RBM19: variants seen among roughly 807,000 people sequenced by gnomAD.
RBM19 encodes RNA binding motif protein 19.
RBM19 carries 94 observed loss-of-function variants against 116.8 expected under a neutral mutation model. The ratio of observed to expected loss-of-function variants is 0.80; its 90% CI spans 0.68 to 0.95. RBM19 has a LOEUF of 0.95. Ranked by LOEUF, RBM19 falls within the 40% of genes least tolerant of loss-of-function variation. The pLI is 0.00. For synonymous variants in RBM19, 475 were observed against 494.1 expected (o/e 0.96, Z 0.51); for missense variants, 1,161 against 1,220.7 (o/e 0.95, Z 0.73).
rs1392631072 is a variant in RBM19 at position 113,940,173 on chromosome 12, A to T, written c.1738-13T>A. On this transcript the variant is annotated splice_polypyrimidine_tract_variant and intron_variant, in intron 14 of 23. Transcript: ENST00000261741. The stretch of plus-strand genomic sequence containing the variant: ...GCTCTGCTGCAGCCTGCAAAGAGGA[A>T]ATGCACACACATGGGACCACAGGAG... 23 of 1,609,658 alleles carry T rather than the reference A, an allele frequency of 1.4e-5. No individual in the cohort carries two copies. Among genetic ancestry groups the T allele is most frequent in the Non-Finnish European group, 2.0e-5 (23 of 1,177,146 alleles).
intron 23 of RBM19, among the ~76,000 whole-genome samples, chr12:113,841,116 T>C (rs1028724870): frequency 1.3e-5 from 2 of 152,194 alleles, no homozygotes; most frequent in African/African-American, 2.4e-5. Flanking sequence ...TGGAAACACA[T>C]GGCTCTGACA....
At position 113,834,000 on chromosome 12, in the gene RBM19, C is replaced by T. The variant is rs563593322; in HGVS notation, c.2785+10668G>A. Among the ~76,000 whole-genome samples, 12 of 152,288 alleles carry T rather than the reference C, an allele frequency of 7.9e-5. No homozygotes were observed. The East Asian group carries it at 9.7e-4, about 12-fold the overall frequency. On this transcript the variant is annotated intron_variant, in intron 23 of 23. Transcript: ENST00000261741. Reference sequence around the variant, plus strand: ...GGCTCAAGTGATCCTCCTGCCTCGGCGTCTCAAAGCACTGGGATTACAGGT... The same window carrying T: ...GGCTCAAGTGATCCTCCTGCCTCGGTGTCTCAAAGCACTGGGATTACAGGT...
At position 113,915,016 on chromosome 12, in the gene RBM19, C is replaced by T. The variant is rs769697287; in HGVS notation, c.2511G>A (p.Arg837=). The T allele has an allele frequency of 2.9e-5, 47 of 1,614,076 alleles. No individual in the cohort carries two copies. In the South Asian group the frequency reaches 3.5e-4, roughly 12 times the overall value. ...RKQTTSKILV[R]NIPFQAHSRE... ...GGCTGTGGGCCTGGAAGGGGATGTT[C>T]CGCACCAGGATCTTGGAGGTGGTCT... The change falls in exon 21 of 24, where the codon CGG becomes CGA. Residue 837 remains arginine (R), a synonymous_variant. Coordinates refer to ENST00000261741, the MANE Select transcript of RBM19 (RefSeq NM_016196.4).
In RBM19 at chr12:113,962,383, G is replaced by A; in HGVS notation, c.68C>T (p.Ala23Val). Residue 23 changes from alanine (A) to valine (V), a missense_variant, in exon 2 of 24, where the codon GCC becomes GTC. Transcript: ENST00000261741. ...GCAGTCTGTCAGCGTGCCGAAGGCGGCAAACAGCTGCCTGAAACGCTCCTC... is the reference window on the plus strand; with the variant it reads ...GCAGTCTGTCAGCGTGCCGAAGGCGACAAACAGCTGCCTGAAACGCTCCTC... ...MKEERFRQLF[A>V]AFGTLTDCSL... 1.2e-6 allele frequency: 2 copies of A among 1,614,130 alleles called. No individual in the cohort carries two copies. The highest frequency in any genetic ancestry group is 1.7e-6 in the Non-Finnish European group (2 of 1,179,942).
chr12:113,948,435 C>T (rs1007204887), intron 10 of RBM19, among the ~76,000 whole-genome samples: 2 of 152,176 alleles, frequency 1.3e-5, no homozygotes, highest in Admixed American at 6.5e-5. Context: ...AGTTCAGATA[C>T]GGAGGAACGC....
chr12:113,861,122 T>C (rs1026276368), intron 21 of RBM19, among the ~76,000 whole-genome samples: 1 of 152,216 alleles, frequency 6.6e-6, no homozygotes, highest in African/African-American at 2.4e-5. Flanking sequence ...AATCCAGGCA[T>C]GTCTGACGTT....
chr12:113,856,427 G>C (rs1433310224), intron 22 of RBM19, among the ~76,000 whole-genome samples: 1 of 152,210 alleles, frequency 6.6e-6, no homozygotes, highest in Non-Finnish European at 1.5e-5. Flanking sequence ...ATGTCAAAGG[G>C]CTCATGGCTG....
At chr12:113,817,642 G>A (rs1874134924), downstream of RBM19, 1 of 152,188 alleles carries the variant, frequency 6.6e-6, no homozygotes, top group African/African-American at 2.4e-5. Flanking sequence ...TGGCACCCCA[G>A]GATCACCCCA....
At chr12:113,960,298 G>T in intron 2 of RBM19, 120 bp from the exon 3 acceptor site, 1 of 1,356,630 alleles carries the variant, frequency 7.4e-7, no homozygotes, top group Non-Finnish European at 1.0e-6. Flanking sequence ...TGAGTTTGCT[G>T]AAGTAGATTA....
intron 21 of RBM19, among the ~76,000 whole-genome samples, chr12:113,869,121 C>T (rs895848360): frequency 2.6e-5 from 4 of 152,108 alleles, no homozygotes; most frequent in Non-Finnish European, 5.9e-5. Flanking sequence ...CCCTCCTAAG[C>T]CCTTATGGTA....
At chr12:113,870,927 G>C (rs1217768362) in intron 21 of RBM19, among the ~76,000 whole-genome samples, 1 of 152,202 alleles carries the variant, frequency 6.6e-6, no homozygotes, top group Non-Finnish European at 1.5e-5. Context: ...ACATCTACAT[G>C]GTTTCCAGAG....
intron 23 of RBM19, among the ~76,000 whole-genome samples, chr12:113,841,551 G>A (rs1362046797): frequency 6.6e-6 from 1 of 151,308 alleles, no homozygotes; most frequent in Non-Finnish European, 1.5e-5. Context: ...AGCCTCCCAA[G>A]TAGCTGGGAC....
chr12:113,839,696 C>T lies in RBM19; in HGVS notation c.2785+4972G>A, dbSNP rs56031183. 5.6e-3 allele frequency among the ~76,000 whole-genome samples: 860 copies of T among 152,342 alleles called. 9 individuals are homozygous for T. The highest frequency in any genetic ancestry group is 0.019 in the African/African-American group (799 of 41,568). Reference sequence around the variant, plus strand: ...TGGTCCCCAGTAAGGAAAGCTGCTACTATGGCTTTTGTTACTTCCCTGATC... The same window carrying T: ...TGGTCCCCAGTAAGGAAAGCTGCTATTATGGCTTTTGTTACTTCCCTGATC... On this transcript the variant is annotated intron_variant, in intron 23 of 23. Transcript: ENST00000261741.
intron 13 of RBM19, among the ~76,000 whole-genome samples, chr12:113,942,877 C>G (rs1441885602): frequency 6.6e-6 from 1 of 152,204 alleles, no homozygotes; most frequent in African/African-American, 2.4e-5. Flanking sequence ...TCCCAAAGTG[C>G]CAGGATTACA....
chr12:113,962,177 A>T (rs552522239), intron 2 of RBM19, 55 bp downstream of exon 2: 130 of 1,592,736 alleles, frequency 8.2e-5, no homozygotes, highest in Non-Finnish European at 1.0e-4. Flanking sequence ...TGAGTGAAAG[A>T]TCAAACAACG....
intron 17 of RBM19, among the ~76,000 whole-genome samples, chr12:113,926,803 C>T (rs1054806636): frequency 6.6e-6 from 1 of 152,208 alleles, no homozygotes; most frequent in Admixed American, 6.5e-5. Context: ...CGAAAGATTC[C>T]GGTATGCCTC....
chr12:113,937,915 C>A (rs1470514115), intron 15 of RBM19, among the ~76,000 whole-genome samples: 1 of 152,264 alleles, frequency 6.6e-6, no homozygotes, highest in East Asian at 1.9e-4. Flanking sequence ...TTCAAATTTC[C>A]TACTCCATGA....
intron 21 of RBM19, among the ~76,000 whole-genome samples, chr12:113,889,088 G>A (rs550723122): frequency 3.3e-5 from 5 of 152,248 alleles, no homozygotes; most frequent in African/African-American, 9.6e-5. Context: ...CGGCTCCTCT[G>A]CTGTTTCCTC....
chr12:113,872,057 C>G (rs982320553), intron 21 of RBM19, among the ~76,000 whole-genome samples: 1 of 145,094 alleles, frequency 6.9e-6, no homozygotes, highest in Non-Finnish European at 1.5e-5. Flanking sequence ...TCCGCCCAGC[C>G]GCCATCCCAT....
Sources: allele counts gnomAD v4.1 joint callset (sites outside exome capture counted in the v4.1 genomes callset), GRCh38; gene constraint gnomAD v4.1.1; transcripts MANE v1.5; gene names NCBI Gene and HGNC (gene_info 2026-07-23, HGNC 2026-07-21).